AGK: variants seen among roughly 807,000 people sequenced by gnomAD.
AGK encodes the protein acylglycerol kinase, mitochondrial.
A neutral mutation model predicts 66.4 loss-of-function variants in AGK; 52 were observed. The observed-to-expected ratio is 0.78, with a 90% CI of 0.63 to 0.99. The LOEUF is 0.99. Ranked by LOEUF, AGK falls within the 50% of genes least tolerant of loss-of-function variation. AGK has a pLI of 0.00. For missense variants in AGK, 451 were observed against 506.6 expected (o/e 0.89, Z 1.05); for synonymous variants, 182 against 181.1 (o/e 1.00, Z -0.04).
intron 8 of AGK, among the ~76,000 whole-genome samples, chr7:141,618,171 T>G (rs1414180402): frequency 6.6e-6 from 1 of 152,188 alleles, no homozygotes. Flanking sequence ...TTACATTTAG[T>G]CCTGAGCACA....
rs367708460 is a variant in AGK at position 141,592,012 on chromosome 7, T to C, written c.102-1134T>C. Among the ~76,000 whole-genome samples the C allele has an allele frequency of 1.9e-4, 29 of 152,352 alleles. No homozygotes were observed. In the East Asian group the frequency reaches 4.0e-3, roughly 21 times the overall value. On this transcript the variant is annotated intron_variant, in intron 2 of 15. Coordinates refer to ENST00000649286, the MANE Select transcript of AGK (RefSeq NM_018238.4). ...TATGATTTATTGTCTGACAGTGATA[T>C]AAAAAACAAGTGATTTAGATAAGAC... is the stretch of plus-strand genomic sequence containing the variant.
At chr7:141,554,144 A>G (rs921243940) in intron 1 of AGK, among the ~76,000 whole-genome samples, 3 of 152,070 alleles carry the variant, frequency 2.0e-5, no homozygotes. Context: ...GTTTGAGACC[A>G]GCCTGGGCAA....
chr7:141,610,811 T>C (rs1243088302), intron 5 of AGK, among the ~76,000 whole-genome samples: 1 of 152,222 alleles, frequency 6.6e-6, no homozygotes, highest in Non-Finnish European at 1.5e-5. Context: ...GGCTCTGACA[T>C]CTGTGCTCTT....
chr7:141,611,606 C>G (rs899473923), intron 6 of AGK, among the ~76,000 whole-genome samples: 1 of 151,818 alleles, frequency 6.6e-6, no homozygotes. Flanking sequence ...ATGAAGTAGC[C>G]CTGTTTGTAA....
chr7:141,584,036 C>A (rs1562964783), intron 2 of AGK, among the ~76,000 whole-genome samples: 1 of 151,870 alleles, frequency 6.6e-6, no homozygotes, highest in East Asian at 1.9e-4. Flanking sequence ...AGTCATGGCA[C>A]CAAATTTCAC....
At position 141,653,005 on chromosome 7, in the gene AGK, A is replaced by T; in HGVS notation, c.*81A>T. ...GGGAACAGGTGCCTCAGCCATCCCA[A>T]CAGTGTCGTCAGAGGGTCCCCAGGG... On this transcript the variant is annotated 3_prime_UTR_variant, in exon 16 of 16. Coordinates refer to ENST00000649286, the MANE Select transcript of AGK (RefSeq NM_018238.4). The T allele has an allele frequency of 6.4e-7, 1 of 1,563,580 alleles. No homozygotes were observed. The highest frequency in any genetic ancestry group is 8.7e-7 in the Non-Finnish European group (1 of 1,148,366).
chr7:141,578,077 A>G (rs1795792209), intron 2 of AGK, among the ~76,000 whole-genome samples: 1 of 152,158 alleles, frequency 6.6e-6, no homozygotes, highest in African/African-American at 2.4e-5. Flanking sequence ...TGGCCTCAGT[A>G]TCACGCGCGT....
In AGK at chr7:141,653,217, A is replaced by G. The variant is rs1394240557; in HGVS notation, c.*293A>G. 6 of 329,886 alleles carry G rather than the reference A, an allele frequency of 1.8e-5. No individual in the cohort carries two copies. The Admixed American group carries it at 2.3e-4, about 13-fold the overall frequency. 20.4% of individuals were successfully genotyped at this position (329,886 alleles called of 1,614,324 possible). The stretch of plus-strand genomic sequence containing the variant: ...AAAGGACTTTCTTCTGTTTTCTTCC[A>G]AAGTGCAACCACAGTGGAGAGCCCA... On this transcript the variant is annotated 3_prime_UTR_variant, in exon 16 of 16. Transcript: ENST00000649286.
At chr7:141,567,602 AG>A (rs1379794244) in intron 2 of AGK, among the ~76,000 whole-genome samples, 5 of 152,230 alleles carry the variant, frequency 3.3e-5, no homozygotes, top group Admixed American at 6.5e-5. Context: ...GAGCAATTGC[AG>A]AGGAGAAAAT....
intron 2 of AGK, among the ~76,000 whole-genome samples, chr7:141,565,349 C>T (rs575604329): frequency 2.3e-4 from 35 of 152,152 alleles, no homozygotes; most frequent in Non-Finnish European, 4.7e-4. Context: ...CACTCACCAT[C>T]CATCTAATTT....
chr7:141,588,572 C>T (rs780624485), intron 2 of AGK, among the ~76,000 whole-genome samples: 5 of 151,282 alleles, frequency 3.3e-5, no homozygotes, highest in East Asian at 1.9e-4. Context: ...GCCGAGACAG[C>T]GCCACTGCAC....
chr7:141,617,138 T>G (rs984794095), intron 8 of AGK, among the ~76,000 whole-genome samples: 1 of 152,146 alleles, frequency 6.6e-6, no homozygotes, highest in Admixed American at 6.5e-5. Flanking sequence ...CAGGTGTTGG[T>G]TACATTAGAG....
intron 10 of AGK, among the ~76,000 whole-genome samples, chr7:141,636,571 G>A (rs1211262908): frequency 4.6e-5 from 7 of 152,138 alleles, no homozygotes; most frequent in African/African-American, 1.4e-4. Context: ...CATAGGTTAC[G>A]TGCAAATATG....
intron 4 of AGK, among the ~76,000 whole-genome samples, chr7:141,597,549 A>C (rs898635307): frequency 6.6e-6 from 1 of 152,056 alleles, no homozygotes; most frequent in Non-Finnish European, 1.5e-5. Context: ...TAATGTCGAG[A>C]ACAATTCTTT....
chr7:141,593,315 A>G (rs746098710), intron 3 of AGK, 130 bp downstream of exon 3: 8 of 847,520 alleles, frequency 9.4e-6, no homozygotes, highest in South Asian at 1.4e-5. Context: ...CACTATCAGG[A>G]TGAATCACGC....
At chr7:141,559,267 A>G (rs1316191695) in intron 2 of AGK, among the ~76,000 whole-genome samples, 1 of 152,106 alleles carries the variant, frequency 6.6e-6, no homozygotes, top group Non-Finnish European at 1.5e-5. Flanking sequence ...TAGGTCTTTA[A>G]CAGATTTTGA....
chr7:141,567,301 T>G (rs1488529903), intron 2 of AGK, among the ~76,000 whole-genome samples: 2 of 152,218 alleles, frequency 1.3e-5, no homozygotes, highest in African/African-American at 4.8e-5. Context: ...TATTTTTTGG[T>G]AACAGATTTG....
chr7:141,606,601 T>G (rs1483622917), intron 5 of AGK, among the ~76,000 whole-genome samples: 1 of 152,150 alleles, frequency 6.6e-6, no homozygotes, highest in Admixed American at 6.6e-5. Flanking sequence ...ACATCTTGCG[T>G]TAGTGTTATA....
intron 2 of AGK, among the ~76,000 whole-genome samples, chr7:141,561,009 G>T (rs1224118334): frequency 6.6e-6 from 1 of 152,026 alleles, no homozygotes; most frequent in Non-Finnish European, 1.5e-5. Context: ...TAGCCAGGAT[G>T]GTCTCGATCT....
Sources: allele counts gnomAD v4.1 joint callset (sites outside exome capture counted in the v4.1 genomes callset), GRCh38; gene constraint gnomAD v4.1.1; transcripts MANE v1.5; gene names NCBI Gene and HGNC (gene_info 2026-07-23, HGNC 2026-07-21).